MCF2L: variants seen among roughly 807,000 people sequenced by gnomAD.
MCF2L encodes the protein guanine nucleotide exchange factor DBS.
MCF2L carries 97 observed loss-of-function variants against 153.4 expected under a neutral mutation model. The ratio of observed to expected loss-of-function variants is 0.63; its 90% CI spans 0.54 to 0.75. The LOEUF is 0.75. Among genes scored for constraint, MCF2L ranks in the 30% least tolerant of loss-of-function variants. The probability of loss-of-function intolerance (pLI) is 0.00; values close to 1 mark genes in which losing one functional copy is unlikely to be tolerated. For missense variants in MCF2L, 1,347 were observed against 1,495.2 expected (o/e 0.90, Z 1.64); for synonymous variants, 659 against 632.2 (o/e 1.04, Z -0.64).
rs574910310 is a variant in MCF2L, at chr13:113,053,979, G to A, written c.370-6614G>A. On this transcript the variant is annotated intron_variant, in intron 4 of 29. Transcript: ENST00000535094. The surrounding 1 kb of genome is among the most constrained non-coding windows in gnomAD (Gnocchi z 4.4). Reference sequence around the variant, plus strand: ...TCAGTTCACACGGCTCCGAATCGGCGAAACGCAACCAACGCTGGGCAGAAC... The same window carrying A: ...TCAGTTCACACGGCTCCGAATCGGCAAAACGCAACCAACGCTGGGCAGAAC... Among the ~76,000 whole-genome samples the A allele has an allele frequency of 1.5e-4, 23 of 152,254 alleles. No homozygotes were observed. The East Asian group carries it at 2.1e-3, about 14-fold the overall frequency.
At chr13:113,025,294 C>T (rs371237057) in intron 3 of MCF2L, among the ~76,000 whole-genome samples, 105 of 35,798 alleles carry the variant, frequency 2.9e-3, no homozygotes, top group African/African-American at 4.6e-3. Context: ...GCAGAGTCTC[C>T]GTGAGGTTTC....
chr13:113,020,009 T>C (rs1253697153), intron 2 of MCF2L, among the ~76,000 whole-genome samples: 2 of 152,252 alleles, frequency 1.3e-5, no homozygotes, highest in East Asian at 1.9e-4. Context: ...TGTGTGAAAA[T>C]GCGAGCCATA....
rs117305892 is a variant in MCF2L, at chr13:113,096,891, T to A, written c.*32T>A. On this transcript the variant is annotated 3_prime_UTR_variant, in exon 30 of 30. Coordinates refer to ENST00000535094, the MANE Select transcript of MCF2L (RefSeq NM_001112732.3). ...CTCGGCGCCGGAGACCCGCGCGCTG[T>A]CTGGGGCTGCGGTGGCGTGGGGAGG... 4,692 of 1,333,934 alleles carry A rather than the reference T, an allele frequency of 3.5e-3. 99 individuals carry two copies. The East Asian group carries it at 0.067, about 19-fold the overall frequency. 82.6% of individuals were successfully genotyped at this position (1,333,934 alleles called of 1,614,324 possible).
intron 7 of MCF2L, among the ~76,000 whole-genome samples, chr13:113,065,559 C>T (rs1201338033): frequency 2.0e-5 from 3 of 152,254 alleles, no homozygotes; most frequent in South Asian, 2.1e-4. Context: ...CCAGTGCTCA[C>T]GTGTCCACAG....
intron 9 of MCF2L, among the ~76,000 whole-genome samples, chr13:113,071,217 C>A (rs2032886683): frequency 6.6e-6 from 1 of 152,108 alleles, no homozygotes. Flanking sequence ...ATTTCTGTTG[C>A]CCATTTTCTA....
At chr13:113,066,883 G>C (rs547487919) in intron 8 of MCF2L, among the ~76,000 whole-genome samples, 114 of 152,362 alleles carry the variant, frequency 7.5e-4, no homozygotes, top group African/African-American at 2.6e-3. Flanking sequence ...GACCAAGCTG[G>C]TCCTTTTGAC....
intron 4 of MCF2L, among the ~76,000 whole-genome samples, chr13:113,058,687 G>C (rs2030754531): frequency 6.8e-6 from 1 of 147,796 alleles, no homozygotes; most frequent in Admixed American, 6.8e-5. Context: ...TGGGCGCTGA[G>C]TGGGCACTGA....
In MCF2L at chr13:112,939,637, G is replaced by A. The variant is rs144410905; in HGVS notation, c.169+37266G>A. ...GGACACTTTGGGTTAAATGGAAAGC[G>A]TCCTATGGGTGTGCAGCAGAGGGAG... On this transcript the variant is annotated intron_variant, in intron 2 of 29. Transcript: ENST00000375608. Among the ~76,000 whole-genome samples the A allele has an allele frequency of 3.1e-3, 476 of 152,298 alleles. 1 individual carries two copies. The highest frequency in any genetic ancestry group is 0.011 in the African/African-American group (451 of 41,558).
rs1397410610 is a variant in MCF2L, at chr13:113,028,041, G to A, written c.278+3283G>A. ...CTGGCATGGGGCTAAATGAGATTCT[G>A]TGGTGTCCACACTGAATGCTGACTG... On this transcript the variant is annotated intron_variant, in intron 3 of 29. Transcript: ENST00000535094. The surrounding 1 kb of genome is among the most constrained non-coding windows in gnomAD (Gnocchi z 5.4). 6.6e-6 allele frequency among the ~76,000 whole-genome samples: 1 copy of A among 152,216 alleles called. No individual in the cohort carries two copies. The highest frequency in any genetic ancestry group is 1.5e-5 in the Non-Finnish European group (1 of 68,032).
intron 4 of MCF2L, 55 bp from the exon 5 acceptor site, chr13:113,060,538 G>A: frequency 1.3e-6 from 2 of 1,598,742 alleles, no homozygotes; most frequent in East Asian, 2.2e-5. Flanking sequence ...CGCACTAGGG[G>A]GGCTGCTGTC....
chr13:113,015,573 C>T (rs2084458291), intron 2 of MCF2L, among the ~76,000 whole-genome samples: 1 of 152,204 alleles, frequency 6.6e-6, no homozygotes, highest in South Asian at 2.1e-4. Context: ...AGCATCCCGG[C>T]CCCCAATCCA....
At chr13:113,066,424 C>T (rs1012007990) in intron 8 of MCF2L, among the ~76,000 whole-genome samples, 1 of 152,216 alleles carries the variant, frequency 6.6e-6, no homozygotes, top group Non-Finnish European at 1.5e-5. Context: ...AGAGCAAACG[C>T]CCTTTTGCCG....
At chr13:112,897,601 C>T (rs2081080388) in intron 1 of MCF2L, among the ~76,000 whole-genome samples, 2 of 152,260 alleles carry the variant, frequency 1.3e-5, no homozygotes, top group South Asian at 4.1e-4. Flanking sequence ...AAGAGCATTA[C>T]TGACATTTCC....
Position 113,070,077 on chromosome 13 carries a change from C to G in MCF2L, c.900C>G (p.Asn300Lys). ...TTCCCAGGCTCCTGGCCCAGCTGAACGAAACCGAGGCTGCCTTCGATGAGT... is the reference window on the plus strand; with the variant it reads ...TTCCCAGGCTCCTGGCCCAGCTGAAGGAAACCGAGGCTGCCTTCGATGAGT... Reference protein sequence around the residue: ...ATVQRLLAQLNETEAAFDEFW... With the variant: ...ATVQRLLAQLKETEAAFDEFW... The change falls in exon 9 of 30, where the codon AAC becomes AAG. Residue 300 changes from asparagine (N) to lysine (K), a missense_variant. Asn to Lys is a moderately conservative substitution (Grantham distance 94, BLOSUM62 0). Around this residue, in one of 3 missense-constraint regions of MCF2L, gnomAD observed 820 missense variants for 921.2 expected, o/e 0.89. Coordinates refer to ENST00000535094, the MANE Select transcript of MCF2L (RefSeq NM_001112732.3). This position sits in a 1 kb window ranked among gnomAD's most constrained non-coding sequence, Gnocchi z 5.6. 1 of 1,609,410 alleles carries G rather than the reference C, an allele frequency of 6.2e-7. No homozygotes were observed. The highest frequency in any genetic ancestry group is 8.5e-7 in the Non-Finnish European group (1 of 1,178,370).
At chr13:112,982,576 C>G (rs1376696892) in intron 1 of MCF2L, among the ~76,000 whole-genome samples, 4 of 152,154 alleles carry the variant, frequency 2.6e-5, no homozygotes, top group African/African-American at 9.7e-5. Flanking sequence ...CGGAAGGCTG[C>G]TGAGCCCTCA....
chr13:112,961,063 G>T (rs1170662603), intron 2 of MCF2L, among the ~76,000 whole-genome samples: 7 of 151,916 alleles, frequency 4.6e-5, no homozygotes, highest in Admixed American at 3.9e-4. Context: ...CTCTTCCCAT[G>T]CATTCCTACC....
chr13:113,032,568 T>G (rs1348091068), intron 3 of MCF2L, among the ~76,000 whole-genome samples: 1 of 150,482 alleles, frequency 6.6e-6, no homozygotes, highest in Non-Finnish European at 1.5e-5. Flanking sequence ...TCATTTTATA[T>G]ATTTTTTTTT....
chr13:112,988,458 G>A (rs9577409), intron 1 of MCF2L, among the ~76,000 whole-genome samples: 66 of 152,308 alleles, frequency 4.3e-4, no homozygotes, highest in Admixed American at 4.0e-3. Flanking sequence ...TTTAATTCTC[G>A]GCAGCTCTGT....
chr13:113,079,817 A>AGAGGG lies in MCF2L; in HGVS notation c.1808+1078_1808+1079insGAGGG, dbSNP rs1412123858. 9.4e-3 allele frequency among the ~76,000 whole-genome samples: 28 copies of AGAGGG among 2,978 alleles called. 5 individuals carry two copies. The highest frequency in any genetic ancestry group is 0.029 in the South Asian group (2 of 70). 2.0% of individuals were successfully genotyped at this position (2,978 alleles called of 152,430 possible). ...AGGGTCCAGGCAGAGGAATGTCTGAATGGAGGAGGGTCCAGGCAGAGGAGA... is the reference window on the plus strand; with the variant it reads ...AGGGTCCAGGCAGAGGAATGTCTGAAGAGGGTGGAGGAGGGTCCAGGCAGAGGAGA... On this transcript the variant is annotated intron_variant, in intron 15 of 29. Transcript: ENST00000535094.
Sources: allele counts gnomAD v4.1 joint callset (sites outside exome capture counted in the v4.1 genomes callset), GRCh38; gene constraint gnomAD v4.1.1; regional missense constraint gnomAD v4.1.1; non-coding constraint Gnocchi (gnomAD v3.1); transcripts MANE v1.5; gene names NCBI Gene and HGNC (gene_info 2026-07-23, HGNC 2026-07-21).